The following STAU1 variants were observed in gnomAD, a reference collection of about 807,000 sequenced individuals.
STAU1 encodes double-stranded RNA-binding protein Staufen homolog 1.
A neutral mutation model predicts 62.9 loss-of-function variants in STAU1; 13 were observed. That is an observed-to-expected ratio of 0.21 (90% CI 0.13 to 0.33). STAU1 has a LOEUF of 0.33. STAU1 is among the 10% of genes least tolerant of loss of function. STAU1 has a pLI of 1.00. For missense variants in STAU1, 571 were observed against 712.1 expected (o/e 0.80, Z 2.25); for synonymous variants, 269 against 265.1 (o/e 1.01, Z -0.14).
intron 3 of STAU1, among the ~76,000 whole-genome samples, chr20:49,155,581 TAGAG>T (rs543112277): frequency 2.6e-4 from 40 of 152,290 alleles, no homozygotes; most frequent in Non-Finnish European, 4.1e-4. Flanking sequence ...AGGATGTATA[TAGAG>T]AGAAATAAAA....
chr20:49,216,224 C>A, the STAU1 span, among the ~76,000 whole-genome samples: 1 of 148,940 alleles, frequency 6.7e-6, no homozygotes, highest in Non-Finnish European at 1.5e-5. Context: ...ACCCTTATAT[C>A]TTAAAAAAAA....
At chr20:49,159,916 AAAC>A (rs985629084) in intron 3 of STAU1, among the ~76,000 whole-genome samples, 18 of 152,176 alleles carry the variant, frequency 1.2e-4, no homozygotes, top group African/African-American at 4.1e-4. Context: ...TTATGTTTTA[AAAC>A]AACATTTTTA....
chr20:49,136,985 C>T (rs1179768113), intron 5 of STAU1, among the ~76,000 whole-genome samples: 2 of 152,148 alleles, frequency 1.3e-5, no homozygotes, highest in East Asian at 1.9e-4. Context: ...TGAGCCACCA[C>T]GCCCGGCGGG....
At chr20:49,167,551 A>G (rs1198011818) in intron 2 of STAU1, among the ~76,000 whole-genome samples, 1 of 152,200 alleles carries the variant, frequency 6.6e-6, no homozygotes, top group African/African-American at 2.4e-5. Context: ...CCAAGAGTGC[A>G]GTTGTTCCTT....
chr20:49,211,149 C>A, the STAU1 span, among the ~76,000 whole-genome samples: 1 of 152,192 alleles, frequency 6.6e-6, no homozygotes, highest in Non-Finnish European at 1.5e-5. Context: ...ATGTATCTCA[C>A]TTCATTCATT....
intron 3 of STAU1, among the ~76,000 whole-genome samples, chr20:49,157,334 T>G (rs2093375823): frequency 6.6e-6 from 1 of 152,090 alleles, no homozygotes; most frequent in South Asian, 2.1e-4. Context: ...TTTTTCAGTT[T>G]TTGAAATGGG....
chr20:49,145,723 C>T (rs2093116783), intron 5 of STAU1, among the ~76,000 whole-genome samples: 1 of 151,130 alleles, frequency 6.6e-6, no homozygotes, highest in Admixed American at 6.6e-5. Flanking sequence ...AGCGAGACTC[C>T]GTCTTAAAAA....
In STAU1 at chr20:49,154,072, C is replaced by T; in HGVS notation, c.206-1G>A. On this transcript the variant is annotated splice_acceptor_variant, in intron 3 of 13. Transcript: ENST00000371856. LOFTEE classifies it high-confidence loss of function. ...AGTTCTACAGTAGGGGTTATGCTTT[C>T]TGCAAGAAAGAATCGACAAAGAACT... 1 of 1,590,480 alleles carries T rather than the reference C, an allele frequency of 6.3e-7. No individual in the cohort carries two copies. Among genetic ancestry groups the T allele is most frequent in the Non-Finnish European group, 8.5e-7 (1 of 1,173,720 alleles).
rs145951423 is a variant in STAU1, at chr20:49,158,545, C to T, written c.206-4474G>A. On this transcript the variant is annotated intron_variant, in intron 3 of 13. Transcript: ENST00000371856. ...CCTTTATTGGCCAGGTGCAGTGGCT[C>T]ATGCCTGTAATCCTAGCACTTTGGG... is the stretch of plus-strand genomic sequence containing the variant. The T allele has an allele frequency of 1.5e-3, 1,992 of 1,286,842 alleles. 43 individuals are homozygous for T. In the East Asian group the frequency reaches 0.031, roughly 20 times the overall value. 79.7% of individuals were successfully genotyped at this position (1,286,842 alleles called of 1,614,324 possible).
chr20:49,217,290 G>C, the STAU1 span, among the ~76,000 whole-genome samples: 14 of 152,168 alleles, frequency 9.2e-5, no homozygotes, highest in Non-Finnish European at 1.9e-4. Context: ...TCTCTCACAT[G>C]CGCCCCCTGC....
At chr20:49,185,187 C>G (rs1426502813) in intron 1 of STAU1, among the ~76,000 whole-genome samples, 1 of 152,148 alleles carries the variant, frequency 6.6e-6, no homozygotes, top group Non-Finnish European at 1.5e-5. Flanking sequence ...ACAGCAGTAT[C>G]TTTACACAAC....
chr20:49,140,999 AG>A (rs1263452240), intron 5 of STAU1, among the ~76,000 whole-genome samples: 1 of 144,280 alleles, frequency 6.9e-6, no homozygotes, highest in Non-Finnish European at 1.5e-5. Context: ...AAAAAAAAAA[AG>A]GTCCACATGC....
At chr20:49,203,906 C>T in the STAU1 span, among the ~76,000 whole-genome samples, 4 of 152,272 alleles carry the variant, frequency 2.6e-5, no homozygotes, top group South Asian at 2.1e-4. Context: ...AGACTGGTCT[C>T]GAAATCCTGA....
Position 49,114,880 on chromosome 20 carries a change from A to G in STAU1, c.1732T>C (p.Ter578ArgextTer9). ...AATGGTTCATGGCCAGAAAAGGTTC[A>G]GCACCTCCCACACCTTTAAGGAAGA... ...NGPMSVCGRC* is the reference protein window; with the variant it reads ...NGPMSVCGRCR The change falls in exon 14 of 14, where the codon TGA becomes CGA. Residue 578 changes from the stop codon to arginine, a stop_lost. Coordinates refer to ENST00000371856, the MANE Select transcript of STAU1 (RefSeq NM_017453.4). 2 of 1,613,556 alleles carry G rather than the reference A, an allele frequency of 1.2e-6. No homozygotes were observed. The highest frequency in any genetic ancestry group is 1.7e-6 in the Non-Finnish European group (2 of 1,179,570).
intron 8 of STAU1, 28 bp from the exon 9 acceptor site, chr20:49,120,156 A>G (rs2092431522): frequency 6.2e-7 from 1 of 1,601,532 alleles, no homozygotes; most frequent in Non-Finnish European, 8.5e-7. Context: ...AACACAGACC[A>G]GTGCTTAAAC....
chr20:49,185,553 A>C (rs1407225438), intron 1 of STAU1, among the ~76,000 whole-genome samples: 1 of 152,200 alleles, frequency 6.6e-6, no homozygotes, highest in African/African-American at 2.4e-5. Context: ...TTGTGACCTT[A>C]ATCTGGGGCA....
At chr20:49,120,470 C>T (rs1182691216) in intron 8 of STAU1, among the ~76,000 whole-genome samples, 1 of 152,254 alleles carries the variant, frequency 6.6e-6, no homozygotes, top group African/African-American at 2.4e-5. Context: ...AACTACTGTA[C>T]ATCTATTCCC....
the STAU1 span, among the ~76,000 whole-genome samples, chr20:49,199,284 G>A: frequency 6.6e-6 from 1 of 151,546 alleles, no homozygotes; most frequent in African/African-American, 2.4e-5. Context: ...AGGCTGGATT[G>A]CAGTGGCGCG....
Position 49,117,533 on chromosome 20 carries a change from G to C in STAU1, c.1509+244C>G, listed in dbSNP as rs1381384397. On this transcript the variant is annotated intron_variant, in intron 11 of 13. Transcript: ENST00000371856. This position sits in a 1 kb window ranked among gnomAD's most constrained non-coding sequence, Gnocchi z 4.6. ...TCCAAATTTACAACCACTGCTAGTG[G>C]TTAGAAGCTTTTAGGGTTGGCTTGC... 6.6e-6 allele frequency among the ~76,000 whole-genome samples: 1 copy of C among 152,174 alleles called. No homozygotes were observed. The highest frequency in any genetic ancestry group is 1.5e-5 in the Non-Finnish European group (1 of 68,028).
Sources: gnomAD v4.1 joint callset for allele counts (sites outside exome capture counted in the v4.1 genomes callset) on GRCh38, gnomAD v4.1.1 for gene constraint, Gnocchi (gnomAD v3.1) non-coding constraint, MANE v1.5 for transcripts, NCBI Gene and HGNC (gene_info 2026-07-23, HGNC 2026-07-21) for gene names.